The following IAH1 variants were observed in gnomAD, a reference collection of about 807,000 sequenced individuals.
The protein encoded by IAH1 is isoamyl acetate hydrolyzing esterase 1 (putative).
Under a neutral mutation model 26.7 loss-of-function variants are expected in IAH1, and 24 were observed. The ratio of observed to expected loss-of-function variants is 0.90; its 90% confidence interval spans 0.65 to 1.26. IAH1 has a LOEUF of 1.26. Ranked by LOEUF, IAH1 falls within the 50% of genes most tolerant of loss-of-function variation. IAH1 has a pLI of 0.00. For missense variants in IAH1, 300 were observed against 299.9 expected (o/e 1.00, Z 0.00); for synonymous variants, 140 against 118.5 (o/e 1.18, Z -1.18).
chr2:9,482,534 C>G (rs963941121), intron 4 of IAH1, among the ~76,000 whole-genome samples: 6 of 152,160 alleles, frequency 3.9e-5, no homozygotes, highest in Non-Finnish European at 7.3e-5. Flanking sequence ...CTGTTATTGT[C>G]CCTACTTTAC....
chr2:9,480,289 G>A (rs1016012682), intron 3 of IAH1, among the ~76,000 whole-genome samples: 10 of 152,114 alleles, frequency 6.6e-5, no homozygotes, highest in African/African-American at 1.9e-4. Context: ...CTGGAGGCCA[G>A]GCCAGGAGTT....
the IAH1 span, among the ~76,000 whole-genome samples, chr2:9,511,190 T>TGTAATC: frequency 6.6e-6 from 1 of 152,132 alleles, no homozygotes; most frequent in Non-Finnish European, 1.5e-5. Context: ...GGCTCACACC[T>TGTAATC]GTAATCCCAG....
chr2:9,474,522 G>A (rs537303329), upstream of IAH1: 91 of 1,279,472 alleles, frequency 7.1e-5, 1 homozygote, highest in African/African-American at 1.3e-3. This position sits in a 1 kb window ranked among gnomAD's most constrained non-coding sequence, Gnocchi z 4.3. Context: ...CTGCGCAGGC[G>A]CCTCTCGTGG....
intron 5 of IAH1, 190 bp downstream of exon 5, chr2:9,484,740 T>C: frequency 1.8e-6 from 1 of 544,804 alleles, no homozygotes; most frequent in Non-Finnish European, 3.3e-6. Context: ...CCCAGCAGCT[T>C]AATTCAGCCA....
Position 9,481,266 on chromosome 2 carries a change from C to T in IAH1, c.284-20C>T. 1 of 1,613,272 alleles carries T rather than the reference C, an allele frequency of 6.2e-7. No homozygotes were observed. The highest frequency in any genetic ancestry group is 8.5e-7 in the Non-Finnish European group (1 of 1,179,446). ...ATAATAAATATGCATCTGGTGAGGACTCATGTTTCTCTTGAGCAGATGAGA... is the reference window on the plus strand; with the variant it reads ...ATAATAAATATGCATCTGGTGAGGATTCATGTTTCTCTTGAGCAGATGAGA... On this transcript the variant is annotated intron_variant, in intron 3 of 5. Coordinates refer to ENST00000497473, the MANE Select transcript of IAH1 (RefSeq NM_001039613.3).
chr2:9,502,425 C>T, the IAH1 span: 2 of 654,608 alleles, frequency 3.1e-6, no homozygotes, highest in Non-Finnish European at 5.3e-6. Context: ...GACATCTCCG[C>T]TGCTAGAGCT....
At chr2:9,508,459 C>T in the IAH1 span, among the ~76,000 whole-genome samples, 2 of 152,136 alleles carry the variant, frequency 1.3e-5, no homozygotes, top group Non-Finnish European at 2.9e-5. Flanking sequence ...CAAAATTGAT[C>T]CATTTCAAGT....
In IAH1 at chr2:9,478,344, T is replaced by C. The variant is rs377162964; in HGVS notation, c.257T>C (p.Phe86Ser). ...LDIPVAVTIF[F>S]GANDSALKDE... ...ATCCCAGTAGCAGTTACAATTTTCT[T>C]TGGGGCCAATGACAGTGCACTAAAA... Residue 86 changes from phenylalanine (F) to serine (S), a missense_variant, in exon 3 of 6, where the codon TTT (phenylalanine) becomes TCT (serine). By Grantham distance (155) the Phe-to-Ser change is radical. Coordinates refer to ENST00000497473, the MANE Select transcript of IAH1 (RefSeq NM_001039613.3). The C allele has an allele frequency of 1.4e-5, 22 of 1,610,994 alleles. No individual in the cohort carries two copies. The highest frequency in any genetic ancestry group is 2.2e-5 in the East Asian group (1 of 44,758).
chr2:9,497,029 G>T, downstream of IAH1: 2 of 1,551,932 alleles, frequency 1.3e-6, no homozygotes. Flanking sequence ...GCTGTCATTC[G>T]CACAACCTCC....
chr2:9,510,257 G>A, the IAH1 span: 7 of 1,072,702 alleles, frequency 6.5e-6, no homozygotes, highest in African/African-American at 1.6e-5. Context: ...AGAACTGCAT[G>A]CTTATAATAC....
chr2:9,478,221 G>C lies in IAH1; in HGVS notation c.135-1G>C. On this transcript the variant is annotated splice_acceptor_variant, in intron 2 of 5. Coordinates refer to ENST00000497473, the MANE Select transcript of IAH1 (RefSeq NM_001039613.3). LOFTEE classifies it high-confidence loss of function. ...CATCTTTTTAAAATTTTTCGTTTCA[G>C]AAAATGTGATGTTCTGAATCGTGGA... 6.3e-7 allele frequency: 1 copy of C among 1,588,138 alleles called. No individual in the cohort carries two copies. The highest frequency in any genetic ancestry group is 8.6e-7 in the Non-Finnish European group (1 of 1,167,656).
downstream of IAH1, chr2:9,493,678 GCA>G: frequency 7.3e-7 from 1 of 1,368,420 alleles, no homozygotes; most frequent in East Asian, 2.3e-5. Context: ...CACTCTGAAA[GCA>G]CACTTTTCTA....
downstream of IAH1, chr2:9,493,915 G>A: frequency 4.6e-6 from 5 of 1,092,522 alleles, no homozygotes; most frequent in Non-Finnish European, 6.7e-6. Flanking sequence ...GACATGTAAA[G>A]GGCTTCATTA....
At position 9,484,414 on chromosome 2, in the gene IAH1, A is replaced by C; in HGVS notation, c.446-18A>C. On this transcript the variant is annotated intron_variant, in intron 4 of 5. Transcript: ENST00000497473. The stretch of plus-strand genomic sequence containing the variant: ...CTTGGGTTTACCAACTGCCACCTCT[A>C]TTTCTTCTCTTCAATAGGTTGCAAA... 1.3e-6 allele frequency: 2 copies of C among 1,594,092 alleles called. No individual in the cohort carries two copies. Among genetic ancestry groups the C allele is most frequent in the Non-Finnish European group, 8.6e-7 (1 of 1,161,888 alleles).
At chr2:9,502,597 C>T in the IAH1 span, among the ~76,000 whole-genome samples, 5 of 152,180 alleles carry the variant, frequency 3.3e-5, no homozygotes, top group Middle Eastern at 0.01. Context: ...ATGGGCTGGG[C>T]GAGGTGGCTC....
chr2:9,476,168 T>C lies in IAH1; in HGVS notation c.134+129T>C, dbSNP rs1300911369. ...AATTTTGCTTGCCTCCCCTAATCAG[T>C]ATATAGGAGAAGGAACAGAAAACAT... On this transcript the variant is annotated intron_variant, in intron 2 of 5. Transcript: ENST00000497473. The C allele has an allele frequency of 2.8e-6, 2 of 708,400 alleles. 1 individual carries two copies. The highest frequency in any genetic ancestry group is 3.4e-5 in the South Asian group (2 of 58,874). The allele number at this position is 708,400 out of a possible 1,614,324, so 43.9% of individuals were successfully genotyped here. A position where few individuals can be genotyped will look rare whatever the true frequency, so the allele number is the denominator to read the frequency against.
At chr2:9,474,203 C>T (rs909009334), upstream of IAH1, among the ~76,000 whole-genome samples, 2 of 150,456 alleles carry the variant, frequency 1.3e-5, no homozygotes, top group Admixed American at 6.6e-5. This position sits in a 1 kb window ranked among gnomAD's most constrained non-coding sequence, Gnocchi z 4.3. Context: ...TGGAGCAGCC[C>T]TCCGCCCCAC....
intron 3 of IAH1, among the ~76,000 whole-genome samples, chr2:9,478,741 T>C (rs1342651386): frequency 3.3e-5 from 5 of 152,190 alleles, no homozygotes; most frequent in Non-Finnish European, 7.3e-5. Context: ...GGGAGGGATA[T>C]GTCAGGGCAG....
chr2:9,491,708 C>T (rs1386630503), downstream of IAH1, among the ~76,000 whole-genome samples: 2 of 152,196 alleles, frequency 1.3e-5, no homozygotes, highest in East Asian at 3.8e-4. Flanking sequence ...CTGCCCCATC[C>T]CTGCCTGTGG....
Sources: allele counts gnomAD v4.1 joint callset (sites outside exome capture counted in the v4.1 genomes callset), GRCh38; gene constraint gnomAD v4.1.1; non-coding constraint Gnocchi (gnomAD v3.1); transcripts MANE v1.5; gene names NCBI Gene and HGNC (gene_info 2026-07-23, HGNC 2026-07-21).